Variants in CHCHD3 observed in about 807,000 individuals in gnomAD.
CHCHD3 encodes the protein MICOS complex subunit MIC19.
In CHCHD3, 20 loss-of-function variants were observed where a neutral mutation model predicts 38.2. The ratio of observed to expected loss-of-function variants is 0.52; its 90% CI spans 0.37 to 0.76. The LOEUF (loss-of-function observed/expected upper bound fraction) is 0.76, where lower values mean the gene tolerates loss of function less well. CHCHD3 is among the 30% of genes least tolerant of loss of function. CHCHD3 has a pLI of 0.00. For missense variants in CHCHD3, 245 were observed against 279.2 expected, an observed-to-expected ratio of 0.88 and a Z score of 0.87; for synonymous variants, 82 against 100.0, an observed-to-expected ratio of 0.82 and a Z score of 1.07.
chr7:132,973,342 T>G (rs568485094), intron 4 of CHCHD3: 1 of 985,296 alleles, frequency 1.0e-6, no homozygotes, highest in Non-Finnish European at 1.2e-6. Flanking sequence ...GCTTCCAAAT[T>G]TGGAGACTTT....
chr7:132,877,797 A>C (rs1324415123), intron 5 of CHCHD3, among the ~76,000 whole-genome samples: 1 of 152,100 alleles, frequency 6.6e-6, no homozygotes, highest in Non-Finnish European at 1.5e-5. Context: ...CACATGAATG[A>C]AGAAGCCAGT....
At chr7:132,815,346 A>G in intron 6 of CHCHD3, 1 of 294,662 alleles carries the variant, frequency 3.4e-6, no homozygotes, top group Non-Finnish European at 6.7e-6. Flanking sequence ...CCAAAGGTTA[A>G]TATGTTTGCA....
At chr7:132,940,956 T>A (rs895785838) in intron 4 of CHCHD3, among the ~76,000 whole-genome samples, 1 of 152,066 alleles carries the variant, frequency 6.6e-6, no homozygotes, top group Non-Finnish European at 1.5e-5. Flanking sequence ...GCATCCAAGA[T>A]CCAAATTCCA....
At chr7:132,899,910 G>C (rs889652340) in intron 4 of CHCHD3, among the ~76,000 whole-genome samples, 1 of 152,136 alleles carries the variant, frequency 6.6e-6, no homozygotes, top group Non-Finnish European at 1.5e-5. Context: ...AAGCAGCTAG[G>C]CCAGAGGAAA....
At chr7:132,793,092 C>T (rs1424481177) in intron 7 of CHCHD3, among the ~76,000 whole-genome samples, 2 of 152,186 alleles carry the variant, frequency 1.3e-5, no homozygotes, top group Non-Finnish European at 2.9e-5. Context: ...ATACTATTGG[C>T]TTCTCATTCC....
At chr7:132,968,431 G>A (rs1321774919) in intron 4 of CHCHD3, among the ~76,000 whole-genome samples, 4 of 152,038 alleles carry the variant, frequency 2.6e-5, no homozygotes, top group Non-Finnish European at 4.4e-5. Flanking sequence ...CCAATTCAAC[G>A]TGGAAATACC....
chr7:132,851,977 C>G (rs149296292), intron 5 of CHCHD3, among the ~76,000 whole-genome samples: 1 of 152,154 alleles, frequency 6.6e-6, no homozygotes, highest in Non-Finnish European at 1.5e-5. Flanking sequence ...AGGAGGAGCA[C>G]GTGCACACAG....
At chr7:133,068,047 C>T (rs1814721769) in intron 2 of CHCHD3, among the ~76,000 whole-genome samples, 1 of 151,528 alleles carries the variant, frequency 6.6e-6, no homozygotes, top group Non-Finnish European at 1.5e-5. Flanking sequence ...ACCCAGGAGG[C>T]GGAGCTTGCA....
At chr7:132,850,215 T>C (rs1397495458) in intron 5 of CHCHD3, among the ~76,000 whole-genome samples, 3 of 152,210 alleles carry the variant, frequency 2.0e-5, no homozygotes, top group South Asian at 4.1e-4. Flanking sequence ...CAAAGCCATG[T>C]TGAACTCTAG....
chr7:132,871,253 G>A (rs1457988185), intron 5 of CHCHD3, among the ~76,000 whole-genome samples: 1 of 151,970 alleles, frequency 6.6e-6, no homozygotes, highest in African/African-American at 2.4e-5. Context: ...TTAATCTTTT[G>A]GGAAATAAGT....
intron 4 of CHCHD3, among the ~76,000 whole-genome samples, chr7:132,898,014 C>T (rs890276415): frequency 6.6e-6 from 1 of 151,798 alleles, no homozygotes; most frequent in African/African-American, 2.4e-5. Flanking sequence ...CAGACCTTCG[C>T]GGTGAGTGTT....
At chr7:133,015,040 C>T (rs1812988876) in intron 3 of CHCHD3, among the ~76,000 whole-genome samples, 1 of 152,120 alleles carries the variant, frequency 6.6e-6, no homozygotes, top group Non-Finnish European at 1.5e-5. Flanking sequence ...CACAAACAAG[C>T]ATTTAAAAGT....
chr7:132,969,098 G>T (rs890409037), intron 4 of CHCHD3, among the ~76,000 whole-genome samples: 1 of 151,094 alleles, frequency 6.6e-6, no homozygotes, highest in African/African-American at 2.4e-5. Flanking sequence ...TGGAGAAACA[G>T]TCGCTTAAAT....
intron 4 of CHCHD3, among the ~76,000 whole-genome samples, chr7:132,906,826 A>G (rs1809814908): frequency 6.6e-6 from 1 of 152,184 alleles, no homozygotes; most frequent in Non-Finnish European, 1.5e-5. Flanking sequence ...ACGTAACATA[A>G]AACTATTAAT....
At chr7:133,047,644 T>C (rs1333866501) in intron 2 of CHCHD3, among the ~76,000 whole-genome samples, 2 of 152,114 alleles carry the variant, frequency 1.3e-5, no homozygotes, top group Non-Finnish European at 2.9e-5. Flanking sequence ...AAATAGTAAA[T>C]GAATTGGCTA....
chr7:132,998,631 T>A (rs1056081887), intron 3 of CHCHD3, among the ~76,000 whole-genome samples: 11 of 152,188 alleles, frequency 7.2e-5, no homozygotes, highest in Non-Finnish European at 1.6e-4. Flanking sequence ...TAGCTTCAAG[T>A]GCATTTAGGA....
chr7:133,025,986 G>A (rs1813325971), intron 2 of CHCHD3, among the ~76,000 whole-genome samples: 1 of 152,180 alleles, frequency 6.6e-6, no homozygotes, highest in South Asian at 2.1e-4. Flanking sequence ...TCACAAAGAA[G>A]ATACATGAAA....
intron 4 of CHCHD3, among the ~76,000 whole-genome samples, chr7:132,910,024 A>T (rs1809902888): frequency 6.6e-6 from 1 of 152,226 alleles, no homozygotes. Flanking sequence ...TGAACTGAGC[A>T]AGTGCACTTA....
At chr7:132,944,157 C>T (rs2117275544) in intron 4 of CHCHD3, among the ~76,000 whole-genome samples, 1 of 152,130 alleles carries the variant, frequency 6.6e-6, no homozygotes, top group East Asian at 1.9e-4. Flanking sequence ...CCTTAGCAAT[C>T]AATGTACAAT....
Sources: gnomAD v4.1 joint callset for allele counts (sites outside exome capture counted in the v4.1 genomes callset) on GRCh38, gnomAD v4.1.1 for gene constraint, MANE v1.5 for transcripts, NCBI Gene and HGNC (gene_info 2026-07-23, HGNC 2026-07-21) for gene names.